Variants in WNK1 observed in about 807,000 individuals in gnomAD.
WNK1 encodes the protein WNK lysine deficient protein kinase 1.
In WNK1, 38 loss-of-function variants were observed where a neutral mutation model predicts 222.8. The observed-to-expected ratio is 0.17, with a 90% CI of 0.13 to 0.22. The LOEUF (loss-of-function observed/expected upper bound fraction) is 0.22, where lower values mean the gene tolerates loss of function less well. Ranked by LOEUF, WNK1 falls within the 10% of genes least tolerant of loss-of-function variation. The pLI, the probability that WNK1 is intolerant of heterozygous loss-of-function variation, is 1.00. For synonymous variants in WNK1, 1,090 were observed against 1,092.9 expected, an observed-to-expected ratio of 1.00 and a Z score of 0.05; for missense variants, 2,348 against 2,918.4, an observed-to-expected ratio of 0.80 and a Z score of 4.50.
intron 6 of WNK1, among the ~76,000 whole-genome samples, chr12:860,771 T>C (rs72648682): frequency 1.4e-4 from 22 of 152,320 alleles, no homozygotes; most frequent in African/African-American, 5.3e-4. Flanking sequence ...AGTGAAGGTA[T>C]ACCTACCCTT....
At chr12:810,363 C>T (rs1946797855) in intron 1 of WNK1, among the ~76,000 whole-genome samples, 1 of 152,042 alleles carries the variant, frequency 6.6e-6, no homozygotes, top group African/African-American at 2.4e-5. Flanking sequence ...GAATTCCAGA[C>T]ACTTTTCTCC....
intron 4 of WNK1, among the ~76,000 whole-genome samples, chr12:840,205 G>A (rs1430751138): frequency 6.6e-6 from 1 of 151,776 alleles, no homozygotes; most frequent in East Asian, 1.9e-4. Flanking sequence ...ATAGCTCTCT[G>A]TAGCCTTGAA....
At chr12:802,465 A>G (rs528638543) in intron 1 of WNK1, among the ~76,000 whole-genome samples, 1 of 152,354 alleles carries the variant, frequency 6.6e-6, no homozygotes, top group South Asian at 2.1e-4. Flanking sequence ...CAGCGGGGTC[A>G]TAAACAGTAG....
At chr12:780,546 G>A (rs910921152) in intron 1 of WNK1, among the ~76,000 whole-genome samples, 1 of 152,168 alleles carries the variant, frequency 6.6e-6, no homozygotes, top group Non-Finnish European at 1.5e-5. Context: ...CAAGTAACTA[G>A]CTAGAAAAAG....
At position 884,442 on chromosome 12, in the gene WNK1, C is replaced by T. The variant is rs1953471903; in HGVS notation, c.3844+199C>T. ...GAGAATTACAGAAAAAGCCAAGAAG[C>T]ACGGCCATACCAAGATATAGTCTGT... On this transcript the variant is annotated intron_variant, in intron 18 of 27. Transcript: ENST00000315939. This position sits in a 1 kb window ranked among gnomAD's most constrained non-coding sequence, Gnocchi z 5.6. 6.6e-6 allele frequency among the ~76,000 whole-genome samples: 1 copy of T among 152,088 alleles called. No individual in the cohort carries two copies. The highest frequency in any genetic ancestry group is 1.5e-5 in the Non-Finnish European group (1 of 68,016).
intron 1 of WNK1, among the ~76,000 whole-genome samples, chr12:795,353 C>T (rs1005655031): frequency 6.0e-5 from 9 of 151,048 alleles, no homozygotes; most frequent in African/African-American, 2.2e-4. Flanking sequence ...TGTATCCCCC[C>T]ACCCAAGTCT....
chr12:897,700 G>T lies in WNK1; in HGVS notation c.6448+19G>T, dbSNP rs1168925132. The T allele has an allele frequency of 3.1e-6, 5 of 1,612,242 alleles. No homozygotes were observed. In the South Asian group the frequency reaches 3.3e-5, roughly 11 times the overall value. On this transcript the variant is annotated intron_variant, in intron 25 of 27. Coordinates refer to ENST00000315939, the MANE Select transcript of WNK1 (RefSeq NM_018979.4). ...CTTTCAGGTAAAAAGCCCTGGACTAGGTCAGCCACAGCTGTCCTATCTTTT... is the reference window on the plus strand; with the variant it reads ...CTTTCAGGTAAAAAGCCCTGGACTATGTCAGCCACAGCTGTCCTATCTTTT...
intron 1 of WNK1, among the ~76,000 whole-genome samples, chr12:782,835 A>T (rs1204005555): frequency 6.6e-6 from 1 of 151,966 alleles, no homozygotes; most frequent in African/African-American, 2.4e-5. Context: ...CACATTTAAA[A>T]AAAAACAGGT....
chr12:763,310 G>T (rs1366318294), intron 1 of WNK1, among the ~76,000 whole-genome samples: 1 of 147,404 alleles, frequency 6.8e-6, no homozygotes, highest in South Asian at 2.2e-4. Flanking sequence ...TTGGCTAGGC[G>T]TGGTGGCTCA....
Position 907,870 on chromosome 12 carries a change from G to C in WNK1, c.6667G>C (p.Gly2223Arg). 6.2e-7 allele frequency: 1 copy of C among 1,613,850 alleles called. No individual in the cohort carries two copies. Among genetic ancestry groups the C allele is most frequent in the Non-Finnish European group, 8.5e-7 (1 of 1,180,010 alleles). Reference sequence around the variant, plus strand: ...AGGAACCAGCAGCACAAACACTGTTGGGGCAACAGTGAACAGCCAAGCCGC... The same window carrying C: ...AGGAACCAGCAGCACAAACACTGTTCGGGCAACAGTGAACAGCCAAGCCGC... ...GQGTSSTNTV[G>R]ATVNSQAAQA... The change falls in exon 27 of 28, where the codon GGG (glycine) becomes CGG (arginine). Residue 2223 changes from glycine to arginine, a missense_variant. By Grantham distance (125) the Gly-to-Arg change is moderately radical. Coordinates refer to ENST00000315939, the MANE Select transcript of WNK1 (RefSeq NM_018979.4).
At chr12:879,442 T>G in intron 10 of WNK1, 131 bp from the exon 11 acceptor site, 1 of 698,098 alleles carries the variant, frequency 1.4e-6, no homozygotes. Flanking sequence ...TTTGTTGGTT[T>G]GGTGTTTTTT....
intron 1 of WNK1, among the ~76,000 whole-genome samples, chr12:787,842 T>C (rs1944459183): frequency 6.6e-6 from 1 of 152,152 alleles, no homozygotes; most frequent in Admixed American, 6.5e-5. Context: ...TGTGTGTGTG[T>C]GCGTGTGTGT....
intron 8 of WNK1, chr12:869,119 T>G: frequency 6.2e-7 from 1 of 1,613,950 alleles, no homozygotes; most frequent in Non-Finnish European, 8.5e-7. Flanking sequence ...TAGGAAAACT[T>G]CCACAATTAT....
At chr12:782,408 A>G (rs1163059622) in intron 1 of WNK1, among the ~76,000 whole-genome samples, 1 of 152,192 alleles carries the variant, frequency 6.6e-6, no homozygotes, top group Non-Finnish European at 1.5e-5. Flanking sequence ...GAACAATTTG[A>G]TAGAATAATG....
chr12:794,340 T>G (rs1021524822), intron 1 of WNK1, among the ~76,000 whole-genome samples: 5 of 152,192 alleles, frequency 3.3e-5, no homozygotes, highest in Non-Finnish European at 5.9e-5. Context: ...AAACCTGTTT[T>G]TCAAGGTGAC....
chr12:895,517 G>A (rs1954660919), intron 23 of WNK1, among the ~76,000 whole-genome samples: 1 of 152,060 alleles, frequency 6.6e-6, no homozygotes, highest in African/African-American at 2.4e-5. Context: ...GGAATGCAGT[G>A]GCATGATCTC....
chr12:838,614 T>A (rs11064565), intron 4 of WNK1, among the ~76,000 whole-genome samples: 18,394 of 147,536 alleles, frequency 0.12, 1,453 homozygotes, highest in Middle Eastern at 0.19. Flanking sequence ...CGAGGTTTTG[T>A]CATGTTGCCC....
intron 1 of WNK1, among the ~76,000 whole-genome samples, chr12:805,501 A>C (rs1946296470): frequency 6.6e-6 from 1 of 152,176 alleles, no homozygotes. Flanking sequence ...AGCAAAACCA[A>C]TTTTTAGTGT....
intron 1 of WNK1, among the ~76,000 whole-genome samples, chr12:763,910 T>G (rs1158496395): frequency 6.8e-6 from 1 of 147,222 alleles, no homozygotes; most frequent in Non-Finnish European, 1.5e-5. Context: ...AGTTTTAAGG[T>G]TTTTTGTTTT....
Sources: gnomAD v4.1 joint callset for allele counts (sites outside exome capture counted in the v4.1 genomes callset) on GRCh38, gnomAD v4.1.1 for gene constraint, Gnocchi (gnomAD v3.1) non-coding constraint, MANE v1.5 for transcripts, NCBI Gene and HGNC (gene_info 2026-07-23, HGNC 2026-07-21) for gene names.